The following ACER2 variants were observed in gnomAD, a reference collection of about 807,000 sequenced individuals.
ACER2 encodes the protein alkCDase 2.
A neutral mutation model predicts 34.7 loss-of-function variants in ACER2; 26 were observed. The ratio of observed to expected loss-of-function variants is 0.75; its 90% CI spans 0.55 to 1.04. The LOEUF (loss-of-function observed/expected upper bound fraction) is 1.04, where lower values mean the gene tolerates loss of function less well. Ranked by LOEUF, ACER2 falls within the 50% of genes least tolerant of loss-of-function variation. The pLI is 0.00. For synonymous variants in ACER2, 138 were observed against 132.1 expected, an observed-to-expected ratio of 1.04 and a Z score of -0.31; for missense variants, 352 against 340.8, an observed-to-expected ratio of 1.03 and a Z score of -0.26.
Position 19,447,026 on chromosome 9 carries a change from T to TA in ACER2, c.641+620dup, listed in dbSNP as rs111288625. Among the ~76,000 whole-genome samples the TA allele has an allele frequency of 8.1e-3, 1,161 of 144,184 alleles. 12 individuals carry two copies. Among genetic ancestry groups the TA allele is most frequent in the African/African-American group, 0.026 (1,020 of 39,636 alleles). 94.6% of individuals were successfully genotyped at this position (144,184 alleles called of 152,430 possible). A position where few individuals can be genotyped will look rare whatever the true frequency, so the allele number is the denominator to read the frequency against. On this transcript the variant is annotated intron_variant, in intron 5 of 5. Coordinates refer to ENST00000340967, the MANE Select transcript of ACER2 (RefSeq NM_001010887.3). ...TTGGAATGCTCAGGATACACTAAGT[T>TA]AAAAAAAAAAAAGCGGGTTACAAAA...
chr9:19,428,368 A>T (rs1757358783), intron 3 of ACER2, among the ~76,000 whole-genome samples: 1 of 151,846 alleles, frequency 6.6e-6, no homozygotes, highest in Non-Finnish European at 1.5e-5. Context: ...GGGTTTTGCC[A>T]TGTTGGCCAG....
At chr9:19,425,319 CTGCG>C (rs1411920720) in intron 3 of ACER2, among the ~76,000 whole-genome samples, 2 of 152,148 alleles carry the variant, frequency 1.3e-5, no homozygotes, top group African/African-American at 4.8e-5. Context: ...AGCTGTGCAC[CTGCG>C]TGCGTGCGCG....
At chr9:19,447,051 A>G (rs1446150141) in intron 5 of ACER2, among the ~76,000 whole-genome samples, 2 of 152,090 alleles carry the variant, frequency 1.3e-5, no homozygotes, top group Non-Finnish European at 2.9e-5. Context: ...GGGTTACAAA[A>G]TACATGCAGA....
At chr9:19,442,293 T>G (rs1831180810) in intron 4 of ACER2, among the ~76,000 whole-genome samples, 1 of 152,242 alleles carries the variant, frequency 6.6e-6, no homozygotes, top group African/African-American at 2.4e-5. Context: ...TTTTCTCTTG[T>G]AGAATAAGGT....
At chr9:19,440,608 G>T (rs1205720391) in intron 4 of ACER2, among the ~76,000 whole-genome samples, 3 of 152,084 alleles carry the variant, frequency 2.0e-5, no homozygotes, top group Non-Finnish European at 4.4e-5. Flanking sequence ...CCAGCCTCTA[G>T]AACTATGAGA....
chr9:19,445,064 A>G (rs987213162), intron 4 of ACER2, among the ~76,000 whole-genome samples: 2 of 152,186 alleles, frequency 1.3e-5, no homozygotes, highest in African/African-American at 4.8e-5. Flanking sequence ...TCAATTGCAG[A>G]TGTCGTGTTG....
chr9:19,440,211 T>A lies in ACER2; in HGVS notation c.503+5127T>A, dbSNP rs555790566. Among the ~76,000 whole-genome samples the A allele has an allele frequency of 7.9e-5, 12 of 152,330 alleles. No homozygotes were observed. The South Asian group carries it at 8.3e-4, about 11-fold the overall frequency. On this transcript the variant is annotated intron_variant, in intron 4 of 5. Coordinates refer to ENST00000340967, the MANE Select transcript of ACER2 (RefSeq NM_001010887.3). ...CCATGGCTCCTGTGATAACACATCC[T>A]CCTGGCTTTCCCACTACCTCTCGGC...
rs890708123 is a variant in ACER2, at chr9:19,449,308, C to T, written c.642-1142C>T. Among the ~76,000 whole-genome samples the T allele has an allele frequency of 5.3e-5, 8 of 152,294 alleles. No homozygotes were observed. The South Asian group carries it at 8.3e-4, about 16-fold the overall frequency. On this transcript the variant is annotated intron_variant, in intron 5 of 5. Transcript: ENST00000340967. ...CACCCAGATTCCATAACTATCAACA[C>T]GAGGCCAATCTGGTTCATACCATTC...
At chr9:19,418,803 CT>C (rs1195122410) in intron 1 of ACER2, among the ~76,000 whole-genome samples, 1 of 152,044 alleles carries the variant, frequency 6.6e-6, no homozygotes, top group Non-Finnish European at 1.5e-5. Flanking sequence ...TGTAACAAAC[CT>C]GCACGTTCTG....
chr9:19,419,540 C>A (rs1365437692), intron 1 of ACER2, among the ~76,000 whole-genome samples: 1 of 152,094 alleles, frequency 6.6e-6, no homozygotes, highest in African/African-American at 2.4e-5. Flanking sequence ...TTGAGGCAGG[C>A]GGATCACTTG....
intron 2 of ACER2, chr9:19,424,399 T>A: frequency 3.0e-6 from 3 of 985,416 alleles, no homozygotes; most frequent in Non-Finnish European, 3.6e-6. Flanking sequence ...AGTGAAGGAA[T>A]GTTGACTTTT....
intron 4 of ACER2, among the ~76,000 whole-genome samples, chr9:19,436,411 G>A (rs1830977651): frequency 1.3e-5 from 2 of 152,134 alleles, no homozygotes; most frequent in South Asian, 4.1e-4. Context: ...ATTAATATTT[G>A]ATAGTACTTG....
intron 1 of ACER2, among the ~76,000 whole-genome samples, chr9:19,418,290 G>A (rs777314984): frequency 3.9e-5 from 6 of 152,266 alleles, no homozygotes; most frequent in Non-Finnish European, 5.9e-5. Context: ...ACAGTGTGGC[G>A]ATTCCTCAAC....
chr9:19,415,494 CAATAAATA>C (rs528544612), intron 1 of ACER2, among the ~76,000 whole-genome samples: 19 of 148,972 alleles, frequency 1.3e-4, no homozygotes, highest in African/African-American at 4.5e-4. Flanking sequence ...GACTCCATCT[CAATAAATA>C]AATAAATAAA....
chr9:19,433,569 C>T (rs1013492111), intron 3 of ACER2, among the ~76,000 whole-genome samples: 11 of 152,020 alleles, frequency 7.2e-5, no homozygotes, highest in African/African-American at 2.2e-4. Context: ...TACACAGACA[C>T]GGCAACCATC....
At chr9:19,447,897 A>T (rs1831419184) in intron 5 of ACER2, among the ~76,000 whole-genome samples, 1 of 152,062 alleles carries the variant, frequency 6.6e-6, no homozygotes, top group East Asian at 1.9e-4. Flanking sequence ...AAACATAATT[A>T]TTAACAGTCT....
intron 1 of ACER2, among the ~76,000 whole-genome samples, chr9:19,411,377 C>G (rs776659449): frequency 1.8e-4 from 28 of 152,124 alleles, no homozygotes; most frequent in Non-Finnish European, 3.8e-4. Context: ...GTTTCTTCCC[C>G]TCTGTTGCTA....
At chr9:19,418,921 C>T (rs1230626520) in intron 1 of ACER2, among the ~76,000 whole-genome samples, 1 of 149,246 alleles carries the variant, frequency 6.7e-6, no homozygotes, top group Non-Finnish European at 1.5e-5. Context: ...GTGCGGTGGC[C>T]TGTGCCTGTA....
intron 1 of ACER2, among the ~76,000 whole-genome samples, chr9:19,411,060 C>T (rs940942315): frequency 2.0e-5 from 3 of 152,168 alleles, no homozygotes; most frequent in Admixed American, 1.3e-4. Flanking sequence ...TATGGCTTCT[C>T]TGAGTCTGTC....
Sources: gnomAD v4.1 joint callset for allele counts (sites outside exome capture counted in the v4.1 genomes callset) on GRCh38, gnomAD v4.1.1 for gene constraint, MANE v1.5 for transcripts, NCBI Gene and HGNC (gene_info 2026-07-23, HGNC 2026-07-21) for gene names.